Variants in MYO3B observed in about 807,000 individuals in gnomAD.
MYO3B encodes the protein myosin-IIIb.
In MYO3B, 156 loss-of-function variants were observed where a neutral mutation model predicts 174.6. That is an observed-to-expected ratio of 0.89 (90% CI 0.78 to 1.02). MYO3B has a LOEUF of 1.02. Ranked by LOEUF, MYO3B falls within the 50% of genes least tolerant of loss-of-function variation. The pLI is 0.00. For synonymous variants in MYO3B, 563 were observed against 569.1 expected (o/e 0.99, Z 0.15); for missense variants, 1,632 against 1,639.4 (o/e 1.00, Z 0.08).
intron 25 of MYO3B, among the ~76,000 whole-genome samples, chr2:170,485,808 G>T (rs554249477): frequency 6.6e-6 from 1 of 152,294 alleles, no homozygotes; most frequent in African/African-American, 2.4e-5. Context: ...AAAAGATGAT[G>T]GAGATACTTG....
In MYO3B at chr2:170,428,205, A is replaced by C. The variant is rs149478901; in HGVS notation, c.2651-15762A>C. Among the ~76,000 whole-genome samples the C allele has an allele frequency of 6.5e-3, 996 of 152,318 alleles. 8 individuals are homozygous for C. The highest frequency in any genetic ancestry group is 0.025 in the South Asian group (121 of 4,826). On this transcript the variant is annotated intron_variant, in intron 22 of 34. Transcript: ENST00000408978. The stretch of plus-strand genomic sequence containing the variant: ...AGAGCCATTGCTGGTTGCCTGTGTT[A>C]GCTGTGAAGAGAACATTGGCAAATT...
At chr2:170,393,290 G>T (rs2094425608) in intron 16 of MYO3B, among the ~76,000 whole-genome samples, 1 of 151,744 alleles carries the variant, frequency 6.6e-6, no homozygotes, top group Non-Finnish European at 1.5e-5. Flanking sequence ...CACCATGTTG[G>T]CCAAGCTGGT....
chr2:170,461,964 C>G (rs1183794060), intron 23 of MYO3B, among the ~76,000 whole-genome samples: 1 of 152,206 alleles, frequency 6.6e-6, no homozygotes, highest in South Asian at 2.1e-4. Flanking sequence ...TAATTTGCCC[C>G]AAACCTCACC....
Position 170,470,127 on chromosome 2 carries a change from A to AAAAAAAG in MYO3B, c.3014+3419_3014+3420insAAAGAAA, listed in dbSNP as rs1559032928. Among the ~76,000 whole-genome samples the AAAAAAAG allele has an allele frequency of 1.4e-5, 2 of 141,886 alleles. 1 individual carries two copies. The allele number at this position is 141,886 out of a possible 152,430, so 93.1% of individuals were successfully genotyped here. A position where few individuals can be genotyped will look rare whatever the true frequency, so the allele number is the denominator to read the frequency against. ...CAAAAAAAAAAAAAAAAAAAAAAAA[A>AAAAAAAG]AAAGAAGGAAAGTATACAGTTCAAA... On this transcript the variant is annotated intron_variant, in intron 25 of 34. Transcript: ENST00000408978.
At position 170,234,170 on chromosome 2, in the gene MYO3B, C is replaced by CAA. The variant is rs71006078; in HGVS notation, c.604-1805_604-1804dup. ...TGGGCGACAGAGTGAGACTCCGTCT[C>CAA]AAAAAAAAAAAAAAAAACAAAACAA... On this transcript the variant is annotated intron_variant, in intron 6 of 34. Coordinates refer to ENST00000408978, the MANE Select transcript of MYO3B (RefSeq NM_138995.5). Among the ~76,000 whole-genome samples, 454 of 48,400 alleles carry CAA rather than the reference C, an allele frequency of 9.4e-3. 15 individuals carry two copies. The highest frequency in any genetic ancestry group is 0.018 in the East Asian group (36 of 2,012). 31.8% of individuals were successfully genotyped at this position (48,400 alleles called of 152,430 possible). A position where few individuals can be genotyped will look rare whatever the true frequency, so the allele number is the denominator to read the frequency against.
chr2:170,535,297 A>G (rs145693828), intron 30 of MYO3B, among the ~76,000 whole-genome samples: 2 of 152,328 alleles, frequency 1.3e-5, no homozygotes, highest in East Asian at 1.9e-4. Context: ...TGTCATACAC[A>G]TTGTTCTTAT....
intron 30 of MYO3B, among the ~76,000 whole-genome samples, chr2:170,538,857 A>G (rs943086016): frequency 2.7e-4 from 41 of 152,316 alleles, no homozygotes; most frequent in African/African-American, 9.9e-4. Flanking sequence ...ACTACTTTCT[A>G]TTCACCTTAT....
chr2:170,472,897 C>T (rs552597811), intron 25 of MYO3B, among the ~76,000 whole-genome samples: 1 of 151,494 alleles, frequency 6.6e-6, no homozygotes, highest in Admixed American at 6.6e-5. Flanking sequence ...GATGAGGTCT[C>T]ACCATGTTGC....
At chr2:170,522,627 T>C (rs965212817) in intron 30 of MYO3B, among the ~76,000 whole-genome samples, 5 of 152,184 alleles carry the variant, frequency 3.3e-5, no homozygotes, top group Admixed American at 3.3e-4. Flanking sequence ...GTTCCACGCC[T>C]CTCTCTAGCT....
chr2:170,384,725 ACTGT>A (rs1433462709), intron 12 of MYO3B, among the ~76,000 whole-genome samples: 7 of 152,194 alleles, frequency 4.6e-5, no homozygotes, highest in African/African-American at 1.7e-4. Flanking sequence ...AAGTTGCCTC[ACTGT>A]GTTGTCTTTT....
chr2:170,379,352 G>A (rs1040841480), intron 9 of MYO3B, among the ~76,000 whole-genome samples: 11 of 152,032 alleles, frequency 7.2e-5, no homozygotes, highest in African/African-American at 2.4e-4. Flanking sequence ...GCACCACCAC[G>A]CCTAGCTAAT....
rs77271070 is a variant in MYO3B at position 170,565,693 on chromosome 2, T to C, written c.3733+21705T>C. Among the ~76,000 whole-genome samples, 1,277 of 152,322 alleles carry C rather than the reference T, an allele frequency of 8.4e-3. 47 individuals carry two copies. In the East Asian group the frequency reaches 0.088, roughly 11 times the overall value. ...ACATTTCTGTTTGTCTTTTTTTATA[T>C]AGTCAAATTCATTGTGAAAATGAAG... On this transcript the variant is annotated intron_variant, in intron 32 of 34. Transcript: ENST00000408978.
chr2:170,418,812 A>T (rs1486006080), intron 22 of MYO3B, among the ~76,000 whole-genome samples: 3 of 89,804 alleles, frequency 3.3e-5, no homozygotes, highest in Non-Finnish European at 9.4e-5. Flanking sequence ...AATTACTTTA[A>T]AAAAAAAAAA....
intron 22 of MYO3B, among the ~76,000 whole-genome samples, chr2:170,432,266 C>A (rs540387678): frequency 1.3e-5 from 2 of 151,946 alleles, no homozygotes; most frequent in South Asian, 4.1e-4. Flanking sequence ...GCCCCATAGA[C>A]CTTACAGTGG....
At chr2:170,445,146 A>G (rs1267460901) in intron 23 of MYO3B, among the ~76,000 whole-genome samples, 2 of 151,912 alleles carry the variant, frequency 1.3e-5, no homozygotes, top group African/African-American at 2.4e-5. Flanking sequence ...CCTATTTAAT[A>G]TATGTTTATT....
intron 32 of MYO3B, among the ~76,000 whole-genome samples, chr2:170,548,339 G>A (rs1416035891): frequency 6.6e-6 from 1 of 152,094 alleles, no homozygotes; most frequent in Admixed American, 6.6e-5. Flanking sequence ...AGATAGTGCA[G>A]GTTCGTACTG....
chr2:170,541,677 T>C lies in MYO3B; in HGVS notation c.3576-1229T>C, dbSNP rs767132042. On this transcript the variant is annotated intron_variant, in intron 30 of 34. Transcript: ENST00000408978. Reference sequence around the variant, plus strand: ...CCGCATTTTGTGGATTGACTAATCATTGTTTTATTTATTCAAATGGTCAAT... The same window carrying C: ...CCGCATTTTGTGGATTGACTAATCACTGTTTTATTTATTCAAATGGTCAAT... Among the ~76,000 whole-genome samples the C allele has an allele frequency of 1.9e-4, 29 of 152,206 alleles. 1 individual carries two copies. The highest frequency in any genetic ancestry group is 5.9e-5 in the Non-Finnish European group (4 of 68,034).
intron 23 of MYO3B, among the ~76,000 whole-genome samples, chr2:170,453,930 A>C (rs929945871): frequency 6.6e-6 from 1 of 152,230 alleles, no homozygotes; most frequent in African/African-American, 2.4e-5. Flanking sequence ...GGGCAAGACG[A>C]AGAGTGGAGA....
intron 7 of MYO3B, among the ~76,000 whole-genome samples, chr2:170,330,890 A>G (rs925995077): frequency 1.3e-5 from 2 of 152,182 alleles, no homozygotes; most frequent in South Asian, 4.1e-4. Flanking sequence ...GTCTAATTTT[A>G]TGCTACTTTG....
Sources: allele counts gnomAD v4.1 joint callset (sites outside exome capture counted in the v4.1 genomes callset), GRCh38; gene constraint gnomAD v4.1.1; transcripts MANE v1.5; gene names NCBI Gene and HGNC (gene_info 2026-07-23, HGNC 2026-07-21).